Variants in RGPD2 observed in about 807,000 individuals in gnomAD.
RGPD2 encodes RANBP2 like and GRIP domain containing 2.
A neutral mutation model predicts 36.0 loss-of-function variants in RGPD2; 2 were observed. The observed-to-expected ratio is 0.06, with a 90% CI of 0.02 to 0.17. The LOEUF (loss-of-function observed/expected upper bound fraction) is 0.17. Among genes scored for constraint, RGPD2 ranks in the 10% least tolerant of loss-of-function variants. The pLI, the probability that RGPD2 is intolerant of heterozygous loss-of-function variation, is 1.00. For synonymous variants in RGPD2, 19 were observed against 163.8 expected (o/e 0.12, Z 6.75); for missense variants, 40 against 464.3 (o/e 0.09, Z 8.40).
upstream of RGPD2, chr2:87,825,896 G>A (rs1686793362): frequency 1.4e-5 from 12 of 882,360 alleles, no homozygotes; most frequent in South Asian, 1.4e-4. Flanking sequence ...CGACGTCGGC[G>A]CTCGAGCTGC....
the RGPD2 span, among the ~76,000 whole-genome samples, chr2:87,849,403 T>C: frequency 6.6e-6 from 1 of 152,224 alleles, no homozygotes; most frequent in Non-Finnish European, 1.5e-5. Flanking sequence ...ATTACTAGTA[T>C]AATTACTACT....
chr2:87,824,861 A>AC (rs1686623754), intron 1 of RGPD2: 4 of 39,828 alleles, frequency 1.0e-4, no homozygotes, highest in African/African-American at 3.4e-4. Flanking sequence ...GCCGAGGCCG[A>AC]GGCCGCCGCC....
chr2:87,782,914 G>GC lies in RGPD2; in HGVS notation c.4109dup (p.Ile1371HisfsTer3), dbSNP rs1685468008. 1 of 1,607,642 alleles carries GC rather than the reference G, an allele frequency of 6.2e-7. No homozygotes were observed. Among genetic ancestry groups the GC allele is most frequent in the Non-Finnish European group, 8.5e-7 (1 of 1,178,356 alleles). ...TCTGTAAAATCTTTATATCACCAAT[G>GC]CCCCTTTCTTTCCATTGACCAACAT... On this transcript the variant is annotated frameshift_variant, in exon 20 of 23. Coordinates refer to ENST00000398146, the MANE Select transcript of RGPD2 (RefSeq NM_001078170.3). LOFTEE classifies it high-confidence loss of function.
At chr2:87,914,723 G>A in the RGPD2 span, among the ~76,000 whole-genome samples, 1 of 138,158 alleles carries the variant, frequency 7.2e-6, no homozygotes, top group Non-Finnish European at 1.5e-5. Flanking sequence ...CATGGCCCCA[G>A]GAGTTTAATA....
chr2:87,943,700 A>G, the RGPD2 span, among the ~76,000 whole-genome samples: 1 of 151,716 alleles, frequency 6.6e-6, no homozygotes, highest in East Asian at 1.9e-4. Flanking sequence ...AGTCTTTCCT[A>G]TAGCATCTTT....
At chr2:87,842,742 C>T in the RGPD2 span, among the ~76,000 whole-genome samples, 72 of 152,014 alleles carry the variant, frequency 4.7e-4, 2 homozygotes, top group Admixed American at 3.7e-3. Flanking sequence ...AAAAAGAGCC[C>T]GCATCGCCAA....
the RGPD2 span, among the ~76,000 whole-genome samples, chr2:87,959,202 T>G: frequency 1.2e-5 from 1 of 85,732 alleles, no homozygotes; most frequent in Non-Finnish European, 2.4e-5. Flanking sequence ...TGTTCACCAC[T>G]GAATTCCCAG....
chr2:87,854,072 A>C, the RGPD2 span, among the ~76,000 whole-genome samples: 122 of 150,672 alleles, frequency 8.1e-4, 1 homozygote, highest in Non-Finnish European at 1.3e-3. Flanking sequence ...AAACCTTCCA[A>C]TGAGCCTAAC....
chr2:87,988,820 T>A, the RGPD2 span, among the ~76,000 whole-genome samples: 719 of 152,000 alleles, frequency 4.7e-3, 6 homozygotes, highest in African/African-American at 0.016. Context: ...GGATTACAGG[T>A]GTGAGCCACC....
At chr2:87,947,375 G>A in the RGPD2 span, among the ~76,000 whole-genome samples, 1 of 152,302 alleles carries the variant, frequency 6.6e-6, no homozygotes, top group African/African-American at 2.4e-5. Context: ...ATTAGTGAGA[G>A]GAGGGGCCAG....
chr2:87,758,502 CTCTG>C (rs1362550119), intron 22 of RGPD2, among the ~76,000 whole-genome samples: 23 of 102,964 alleles, frequency 2.2e-4, no homozygotes, highest in South Asian at 3.8e-4. Context: ...TATTTTGGCT[CTCTG>C]TCTAAGACTT....
chr2:87,948,236 C>T, the RGPD2 span, among the ~76,000 whole-genome samples: 1 of 151,800 alleles, frequency 6.6e-6, no homozygotes, highest in Non-Finnish European at 1.5e-5. Flanking sequence ...GGCTAATAAT[C>T]AAATGTTTGC....
chr2:87,888,355 T>C, the RGPD2 span, among the ~76,000 whole-genome samples: 1 of 150,504 alleles, frequency 6.6e-6, no homozygotes, highest in Non-Finnish European at 1.5e-5. Context: ...TTCAAATGGA[T>C]TATACACCCA....
At chr2:87,866,828 A>G in the RGPD2 span, among the ~76,000 whole-genome samples, 3 of 152,122 alleles carry the variant, frequency 2.0e-5, no homozygotes, top group Non-Finnish European at 4.4e-5. Flanking sequence ...GTTGGCCAGC[A>G]TGTCCCACCC....
chr2:87,873,822 G>GA, the RGPD2 span, among the ~76,000 whole-genome samples: 2 of 146,542 alleles, frequency 1.4e-5, no homozygotes. Context: ...GGACAGCATG[G>GA]AAAAAAACCC....
chr2:87,976,470 A>C, the RGPD2 span, among the ~76,000 whole-genome samples: 1 of 151,964 alleles, frequency 6.6e-6, no homozygotes, highest in Non-Finnish European at 1.5e-5. Context: ...GTTCCAAACT[A>C]CTCAAGGATT....
At chr2:87,986,279 C>A in the RGPD2 span, among the ~76,000 whole-genome samples, 2 of 150,756 alleles carry the variant, frequency 1.3e-5, no homozygotes, top group Admixed American at 1.3e-4. Context: ...GGATTACAGG[C>A]GTCTGCCACT....
the RGPD2 span, among the ~76,000 whole-genome samples, chr2:87,948,379 G>C: frequency 2.7e-5 from 4 of 150,248 alleles, no homozygotes; most frequent in African/African-American, 9.7e-5. Context: ...CAATTATTGT[G>C]TGCTTTTTTT....
the RGPD2 span, among the ~76,000 whole-genome samples, chr2:87,876,078 G>C: frequency 6.6e-6 from 1 of 151,238 alleles, no homozygotes; most frequent in Non-Finnish European, 1.5e-5. Flanking sequence ...TTCTGATTGT[G>C]TATATTTGAT....
Sources: gnomAD v4.1 joint callset for allele counts (sites outside exome capture counted in the v4.1 genomes callset) on GRCh38, gnomAD v4.1.1 for gene constraint, MANE v1.5 for transcripts, NCBI Gene and HGNC (gene_info 2026-07-23, HGNC 2026-07-21) for gene names.